DNAH14: variants seen among roughly 807,000 people sequenced by gnomAD.
DNAH14 encodes the protein axonemal beta dynein heavy chain 14.
Under a neutral mutation model 520.9 loss-of-function variants are expected in DNAH14, and 478 were observed. The observed-to-expected ratio is 0.92, with a 90% confidence interval of 0.85 to 0.99. The LOEUF is 0.99. Ranked by LOEUF, DNAH14 falls within the 50% of genes least tolerant of loss-of-function variation. DNAH14 has a pLI of 0.00. For missense variants in DNAH14, 4,831 were observed against 5,234.5 expected (o/e 0.92, Z 2.38); for synonymous variants, 1,581 against 1,757.2 (o/e 0.90, Z 2.51).
At chr1:225,019,677 G>A (rs1371615333) in intron 10 of DNAH14, among the ~76,000 whole-genome samples, 1 of 152,124 alleles carries the variant, frequency 6.6e-6, no homozygotes, top group Non-Finnish European at 1.5e-5. Flanking sequence ...CATAAAGTAA[G>A]TCTCAACTAA....
At chr1:225,072,195 G>A (rs1479484998) in intron 17 of DNAH14, among the ~76,000 whole-genome samples, 3 of 152,154 alleles carry the variant, frequency 2.0e-5, no homozygotes, top group Non-Finnish European at 2.9e-5. Context: ...CATAGATTCA[G>A]TCTCTTTACA....
At chr1:225,218,418 T>A (rs1043856500) in intron 41 of DNAH14, among the ~76,000 whole-genome samples, 8 of 151,368 alleles carry the variant, frequency 5.3e-5, no homozygotes, top group Non-Finnish European at 7.4e-5. Flanking sequence ...ACCCATCTCA[T>A]GTACAAAGAC....
chr1:224,946,160 T>G (rs936547877), intron 1 of DNAH14, among the ~76,000 whole-genome samples: 1 of 152,228 alleles, frequency 6.6e-6, no homozygotes, highest in African/African-American at 2.4e-5. Flanking sequence ...GCTTCCTGGC[T>G]GCTTTGTTTA....
chr1:225,301,359 G>T (rs1290196126), intron 56 of DNAH14, among the ~76,000 whole-genome samples: 1 of 152,014 alleles, frequency 6.6e-6, no homozygotes, highest in Non-Finnish European at 1.5e-5. Context: ...CCTAGATAAT[G>T]ATGTTCTTAT....
chr1:225,032,725 G>A (rs1199371295), intron 11 of DNAH14, among the ~76,000 whole-genome samples: 2 of 151,786 alleles, frequency 1.3e-5, no homozygotes, highest in Non-Finnish European at 2.9e-5. Flanking sequence ...CCTTTTCTCC[G>A]CAACCTCACC....
chr1:225,144,406 A>T lies in DNAH14; in HGVS notation c.4518A>T (p.Gln1506His). 1 of 1,550,392 alleles carries T rather than the reference A, an allele frequency of 6.4e-7. No homozygotes were observed. The highest frequency in any genetic ancestry group is 2.4e-5 in the East Asian group (1 of 40,910). The stretch of plus-strand genomic sequence containing the variant: ...AAAATTTGGCTTTCAGACATTTGCA[A>T]TATAAATGGAATGAAAAACAAAAGT... Reference protein sequence around the residue: ...AEDFEWTRHLQYKWNEKQKLC... With the variant: ...AEDFEWTRHLHYKWNEKQKLC... Residue 1506 changes from glutamine (Q) to histidine (H), a missense_variant, in exon 29 of 86, where the codon CAA (glutamine) becomes CAT (histidine). Physicochemically the swap from Gln to His is conservative, Grantham distance 24. Transcript: ENST00000682510.
At chr1:225,080,805 G>T (rs1235418099) in intron 19 of DNAH14, 57 bp downstream of exon 19, 5 of 1,449,782 alleles carry the variant, frequency 3.4e-6, no homozygotes, top group Non-Finnish European at 4.6e-6. Flanking sequence ...ATGGCCTTTG[G>T]ACATCAAGAG....
chr1:224,942,034 A>G (rs910984226), intron 1 of DNAH14, among the ~76,000 whole-genome samples: 5 of 152,090 alleles, frequency 3.3e-5, no homozygotes, highest in African/African-American at 4.8e-5. Flanking sequence ...GTTTTTTCCA[A>G]TTCTGTGAAG....
At chr1:225,309,464 A>G (rs997751177) in intron 60 of DNAH14, among the ~76,000 whole-genome samples, 16 of 152,202 alleles carry the variant, frequency 1.1e-4, no homozygotes, top group African/African-American at 1.7e-4. Flanking sequence ...TTAAGCAAAT[A>G]GGGGAGGCCC....
intron 38 of DNAH14, among the ~76,000 whole-genome samples, chr1:225,198,753 A>T (rs2086458541): frequency 6.6e-6 from 1 of 152,118 alleles, no homozygotes; most frequent in African/African-American, 2.4e-5. Context: ...GTATTTTGTT[A>T]AAGATTCTTG....
At chr1:225,321,260 T>C (rs776268471) in intron 61 of DNAH14, among the ~76,000 whole-genome samples, 87 of 152,292 alleles carry the variant, frequency 5.7e-4, no homozygotes, top group Non-Finnish European at 9.3e-4. Flanking sequence ...GTACAGACAC[T>C]GGGGCCTACC....
intron 36 of DNAH14, among the ~76,000 whole-genome samples, chr1:225,168,322 G>A (rs977058361): frequency 9.9e-5 from 15 of 152,176 alleles, no homozygotes; most frequent in Admixed American, 7.9e-4. Flanking sequence ...TGGGTGCAGT[G>A]CAGCGAGCGT....
intron 60 of DNAH14, among the ~76,000 whole-genome samples, chr1:225,318,022 T>A (rs77994867): frequency 0.086 from 13,070 of 152,258 alleles, 633 homozygotes; most frequent in Middle Eastern, 0.15. Context: ...CCAAGTCAAC[T>A]TTTTAGCCAG....
chr1:225,292,944 G>T (rs1476553074), intron 55 of DNAH14, among the ~76,000 whole-genome samples: 1 of 151,818 alleles, frequency 6.6e-6, no homozygotes, highest in Middle Eastern at 3.2e-3. Flanking sequence ...TTTGTATCCT[G>T]CTACTTTGCT....
At chr1:224,975,880 C>T (rs912587682) in intron 8 of DNAH14, among the ~76,000 whole-genome samples, 1 of 151,836 alleles carries the variant, frequency 6.6e-6, no homozygotes, top group African/African-American at 2.4e-5. Flanking sequence ...ATAAATTTCC[C>T]TCACACACTG....
intron 17 of DNAH14, among the ~76,000 whole-genome samples, chr1:225,074,577 G>A (rs2072008714): frequency 6.6e-6 from 1 of 152,122 alleles, no homozygotes; most frequent in Admixed American, 6.5e-5. Flanking sequence ...CTCTCCCAGG[G>A]AGTTTTCTAA....
At chr1:224,950,544 A>T (rs2125479001) in intron 1 of DNAH14, among the ~76,000 whole-genome samples, 1 of 152,138 alleles carries the variant, frequency 6.6e-6, no homozygotes, top group South Asian at 2.1e-4. Context: ...ATTTTTTTTT[A>T]CAGTTTGATT....
chr1:224,952,603 A>G (rs1470451733), intron 1 of DNAH14, 67 bp from the exon 2 acceptor site: 3 of 869,824 alleles, frequency 3.4e-6, no homozygotes, highest in Non-Finnish European at 5.0e-6. Flanking sequence ...TGCCATTTTG[A>G]ATACCAATTG....
At chr1:225,033,283 A>T (rs1394058502) in intron 11 of DNAH14, among the ~76,000 whole-genome samples, 2 of 152,132 alleles carry the variant, frequency 1.3e-5, no homozygotes, top group African/African-American at 4.8e-5. Flanking sequence ...TCCAGCTTCA[A>T]TCTTCTGCAT....
Sources: allele counts gnomAD v4.1 joint callset (sites outside exome capture counted in the v4.1 genomes callset), GRCh38; gene constraint gnomAD v4.1.1; transcripts MANE v1.5; gene names NCBI Gene and HGNC (gene_info 2026-07-23, HGNC 2026-07-21).